Variants in SGCZ observed in about 807,000 individuals in gnomAD.
SGCZ encodes the protein sarcoglycan zeta.
In SGCZ, 40 loss-of-function variants were observed where a neutral mutation model predicts 41.3. That is an observed-to-expected ratio of 0.97 (90% CI 0.75 to 1.26). The LOEUF (loss-of-function observed/expected upper bound fraction) is 1.26. Ranked by LOEUF, SGCZ falls within the 50% of genes most tolerant of loss-of-function variation. The pLI is 0.00. For synonymous variants in SGCZ, 206 were observed against 137.5 expected (o/e 1.50, Z -3.49); for missense variants, 552 against 369.8 (o/e 1.49, Z -4.04).
intron 1 of SGCZ, among the ~76,000 whole-genome samples, chr8:14,890,348 T>C (rs1804967096): frequency 6.6e-6 from 1 of 152,114 alleles, no homozygotes; most frequent in Non-Finnish European, 1.5e-5. Context: ...GTTACTCTAG[T>C]GAAAACATAA....
At chr8:14,805,421 G>T (rs1334000728) in intron 1 of SGCZ, among the ~76,000 whole-genome samples, 1 of 103,894 alleles carries the variant, frequency 9.6e-6, no homozygotes, top group Non-Finnish European at 2.0e-5. Context: ...AAAGGCAGGG[G>T]TTGCAATCCT....
intron 2 of SGCZ, among the ~76,000 whole-genome samples, chr8:14,346,804 T>C (rs2117093559): frequency 6.6e-6 from 1 of 152,226 alleles, no homozygotes; most frequent in African/African-American, 2.4e-5. Context: ...TTCTCTGTGA[T>C]ACATAAATAT....
chr8:14,809,646 G>A (rs1207726580), intron 1 of SGCZ, among the ~76,000 whole-genome samples: 1 of 152,122 alleles, frequency 6.6e-6, no homozygotes, highest in African/African-American at 2.4e-5. Context: ...ATAGCTTAAA[G>A]TGAATGGATT....
intron 2 of SGCZ, among the ~76,000 whole-genome samples, chr8:14,390,839 TATTG>T (rs774800022): frequency 8.5e-5 from 13 of 152,064 alleles, no homozygotes; most frequent in Non-Finnish European, 1.9e-4. Flanking sequence ...ATTATAGAGA[TATTG>T]ATTAACTTTA....
chr8:14,763,785 C>T (rs1311631478), intron 1 of SGCZ, among the ~76,000 whole-genome samples: 1 of 152,086 alleles, frequency 6.6e-6, no homozygotes, highest in East Asian at 1.9e-4. Context: ...TCTACATAGC[C>T]TCTGCAAAGA....
At chr8:15,057,933 A>G (rs1471219177) in intron 1 of SGCZ, among the ~76,000 whole-genome samples, 1 of 152,208 alleles carries the variant, frequency 6.6e-6, no homozygotes, top group Non-Finnish European at 1.5e-5. Context: ...CTAGGTGGTG[A>G]AGATACTCTT....
At chr8:14,475,028 C>T (rs1443602931) in intron 2 of SGCZ, among the ~76,000 whole-genome samples, 1 of 152,092 alleles carries the variant, frequency 6.6e-6, no homozygotes, top group East Asian at 1.9e-4. Flanking sequence ...TAGCATCAGG[C>T]TGTGGACTTA....
At chr8:14,821,256 A>C (rs1802071953) in intron 1 of SGCZ, among the ~76,000 whole-genome samples, 1 of 152,000 alleles carries the variant, frequency 6.6e-6, no homozygotes, top group Admixed American at 6.6e-5. Flanking sequence ...ACTGTCTACT[A>C]AAATTAAATT....
chr8:14,558,764 T>G (rs986049590), intron 1 of SGCZ, among the ~76,000 whole-genome samples: 1 of 151,846 alleles, frequency 6.6e-6, no homozygotes, highest in Non-Finnish European at 1.5e-5. Flanking sequence ...CCAAATCCAA[T>G]AGTATATCAA....
At chr8:14,716,481 C>G (rs546553285) in intron 1 of SGCZ, among the ~76,000 whole-genome samples, 1 of 152,142 alleles carries the variant, frequency 6.6e-6, no homozygotes, top group Admixed American at 6.5e-5. Context: ...GGGGGACCTG[C>G]AAAACCGAGT....
intron 1 of SGCZ, among the ~76,000 whole-genome samples, chr8:15,043,333 C>A (rs931628026): frequency 5.1e-4 from 78 of 152,136 alleles, no homozygotes; most frequent in African/African-American, 1.8e-3. Flanking sequence ...CGTTTTGACC[C>A]TTATATAATT....
At chr8:14,747,867 C>A (rs1799384186) in intron 1 of SGCZ, among the ~76,000 whole-genome samples, 1 of 146,482 alleles carries the variant, frequency 6.8e-6, no homozygotes, top group Admixed American at 7.1e-5. Context: ...CACCCACCAC[C>A]ACAACTGACT....
At chr8:14,573,308 C>T (rs1350451079) in intron 1 of SGCZ, among the ~76,000 whole-genome samples, 3 of 151,406 alleles carry the variant, frequency 2.0e-5, no homozygotes, top group South Asian at 2.1e-4. Context: ...AGCCGTTCTC[C>T]GGCCTCAGCC....
intron 4 of SGCZ, among the ~76,000 whole-genome samples, chr8:14,181,309 A>T (rs1165252189): frequency 6.6e-6 from 1 of 152,214 alleles, no homozygotes; most frequent in Non-Finnish European, 1.5e-5. Flanking sequence ...TGTTGGGTAT[A>T]TTGATACCTC....
At chr8:14,251,222 T>TATC (rs1799273545) in intron 3 of SGCZ, among the ~76,000 whole-genome samples, 1 of 152,086 alleles carries the variant, frequency 6.6e-6, no homozygotes, top group South Asian at 2.1e-4. Flanking sequence ...AGCGAGACTC[T>TATC]ATCTCAAAAA....
At chr8:15,056,557 C>A (rs957957520) in intron 1 of SGCZ, among the ~76,000 whole-genome samples, 2 of 148,170 alleles carry the variant, frequency 1.3e-5, no homozygotes, top group South Asian at 2.2e-4. Context: ...AAAAAAAAAA[C>A]ATTAGAAATG....
intron 1 of SGCZ, among the ~76,000 whole-genome samples, chr8:15,236,462 A>G (rs540377603): frequency 2.2e-4 from 34 of 151,850 alleles, no homozygotes; most frequent in South Asian, 6.2e-4. Context: ...AAACATTCTC[A>G]CTGATCAAAG....
chr8:14,798,316 C>CA (rs557718482), intron 1 of SGCZ, among the ~76,000 whole-genome samples: 82 of 152,264 alleles, frequency 5.4e-4, no homozygotes, highest in African/African-American at 1.9e-3. Context: ...ATCCTCTCCC[C>CA]ACGGTTACCA....
chr8:15,122,905 T>C (rs1051671725), intron 1 of SGCZ, among the ~76,000 whole-genome samples: 9 of 152,148 alleles, frequency 5.9e-5, no homozygotes, highest in South Asian at 2.1e-4. Flanking sequence ...TGTTACACCA[T>C]AGAAAAGATT....
Sources: gnomAD v4.1 joint callset for allele counts (sites outside exome capture counted in the v4.1 genomes callset) on GRCh38, gnomAD v4.1.1 for gene constraint, MANE v1.5 for transcripts, NCBI Gene and HGNC (gene_info 2026-07-23, HGNC 2026-07-21) for gene names.